Variants in TFEB observed in about 807,000 individuals in gnomAD.
TFEB encodes T-cell transcription factor EB.
A neutral mutation model predicts 48.0 loss-of-function variants in TFEB; 12 were observed. The observed-to-expected ratio is 0.25, with a 90% confidence interval of 0.16 to 0.40. The LOEUF is 0.40. TFEB is among the 10% of genes least tolerant of loss of function. TFEB has a pLI of 1.00. For missense variants in TFEB, 509 were observed against 640.3 expected, an observed-to-expected ratio of 0.79 and a Z score of 2.21; for synonymous variants, 244 against 261.4, an observed-to-expected ratio of 0.93 and a Z score of 0.64.
At chr6:41,693,829 T>A (rs966281472) in intron 1 of TFEB, among the ~76,000 whole-genome samples, 2 of 152,082 alleles carry the variant, frequency 1.3e-5, no homozygotes, top group African/African-American at 4.8e-5. Context: ...CCTCCACCCA[T>A]GCCTTTGCCC....
At chr6:41,725,986 G>A (rs1771190348) in intron 1 of TFEB, among the ~76,000 whole-genome samples, 1 of 152,364 alleles carries the variant, frequency 6.6e-6, no homozygotes, top group East Asian at 1.9e-4. Context: ...GCTCACGCCT[G>A]CAATCCTGGC....
chr6:41,700,650 A>G (rs1052448141), intron 1 of TFEB, among the ~76,000 whole-genome samples: 8 of 152,102 alleles, frequency 5.3e-5, no homozygotes, highest in African/African-American at 1.9e-4. Context: ...GGCTGGGGGC[A>G]GGGGGCAGTC....
intron 1 of TFEB, among the ~76,000 whole-genome samples, chr6:41,717,766 A>G (rs2127259998): frequency 6.6e-6 from 1 of 152,348 alleles, no homozygotes; most frequent in South Asian, 2.1e-4. Context: ...AAGAAGGAAG[A>G]GGAAGAGGTA....
chr6:41,723,404 C>T lies in TFEB; in HGVS notation c.-23+11946G>A. On this transcript the variant is annotated intron_variant, in intron 1 of 8. Coordinates refer to ENST00000373033, the MANE Select transcript of TFEB (RefSeq NM_001271944.2). The surrounding 1 kb of genome is among the most constrained non-coding windows in gnomAD (Gnocchi z 6.0). ...GCTAACACACATGGACACACATTCA[C>T]ACACATGCTCACACACATGCACACA... 7 of 1,086,054 alleles carry T rather than the reference C, an allele frequency of 6.4e-6. No individual in the cohort carries two copies. In the South Asian group the frequency reaches 7.8e-5, roughly 12 times the overall value. 67.3% of individuals were successfully genotyped at this position (1,086,054 alleles called of 1,614,324 possible).
Position 41,691,458 on chromosome 6 carries a change from T to G in TFEB, c.-22-223A>C. ...TCCTGGACCAAAACTGAAGGTTCTG[T>G]CTTCTTCACTCATTGCAGTTGGTAA... On this transcript the variant is annotated intron_variant, in intron 1 of 8. Transcript: ENST00000373033. This position sits in a 1 kb window ranked among gnomAD's most constrained non-coding sequence, Gnocchi z 5.2. 1.4e-6 allele frequency: 1 copy of G among 708,374 alleles called. No homozygotes were observed. Among genetic ancestry groups the G allele is most frequent in the Non-Finnish European group, 2.6e-6 (1 of 380,826 alleles). The allele number at this position is 708,374 out of a possible 1,614,324, so 43.9% of individuals were successfully genotyped here. A position where few individuals can be genotyped will look rare whatever the true frequency, so the allele number is the denominator to read the frequency against.
intron 1 of TFEB, among the ~76,000 whole-genome samples, chr6:41,700,474 A>C (rs1258510465): frequency 1.3e-5 from 2 of 151,980 alleles, no homozygotes; most frequent in Non-Finnish European, 2.9e-5. Flanking sequence ...TCAAAAAAAA[A>C]AAAAAAAAAA....
intron 1 of TFEB, among the ~76,000 whole-genome samples, chr6:41,693,280 A>C (rs116653008): frequency 1.1e-4 from 17 of 152,228 alleles, no homozygotes; most frequent in African/African-American, 4.1e-4. Flanking sequence ...GATAATAGAA[A>C]TAATAATAAC....
At chr6:41,711,826 C>T (rs1023852122) in intron 1 of TFEB, among the ~76,000 whole-genome samples, 12 of 152,204 alleles carry the variant, frequency 7.9e-5, no homozygotes, top group Admixed American at 2.6e-4. Flanking sequence ...CATGGGCCTG[C>T]GGCAGAGGCA....
At chr6:41,700,032 G>C (rs1449671232) in intron 1 of TFEB, among the ~76,000 whole-genome samples, 1 of 152,206 alleles carries the variant, frequency 6.6e-6, no homozygotes, top group Non-Finnish European at 1.5e-5. Flanking sequence ...CACCATGGCT[G>C]AGTGCTATGG....
chr6:41,714,691 C>T lies in TFEB; in HGVS notation c.-23+20659G>A, dbSNP rs931721371. On this transcript the variant is annotated intron_variant, in intron 1 of 8. Coordinates refer to ENST00000373033, the MANE Select transcript of TFEB (RefSeq NM_001271944.2). Reference sequence around the variant, plus strand: ...ACTATTGTCTTCAGGGGACCCCCATCCCGAGGGTGCGGGGAGACTGGGGCA... The same window carrying T: ...ACTATTGTCTTCAGGGGACCCCCATTCCGAGGGTGCGGGGAGACTGGGGCA... Among the ~76,000 whole-genome samples, 4 of 152,210 alleles carry T rather than the reference C, an allele frequency of 2.6e-5. No homozygotes were observed. The East Asian group carries it at 7.7e-4, about 29-fold the overall frequency.
chr6:41,706,508 C>T (rs13214412), intron 1 of TFEB, among the ~76,000 whole-genome samples: 39,635 of 147,708 alleles, frequency 0.27, 5,746 homozygotes, highest in East Asian at 0.39. Flanking sequence ...CACCCTTACA[C>T]CCCCCCACCC....
At chr6:41,686,508 C>CTTTTTT (rs34883692) in intron 7 of TFEB, 39 of 150,754 alleles carry the variant, frequency 2.6e-4, no homozygotes, top group East Asian at 5.9e-4. Context: ...GCCTACCTTT[C>CTTTTTT]TTTTTTTTTT....
Position 41,734,316 on chromosome 6 carries a change from G to C in TFEB, c.-23+1034C>G. On this transcript the variant is annotated intron_variant, in intron 1 of 8. Coordinates refer to ENST00000373033, the MANE Select transcript of TFEB (RefSeq NM_001271944.2). This position sits in a 1 kb window ranked among gnomAD's most constrained non-coding sequence, Gnocchi z 4.0. Reference sequence around the variant, plus strand: ...CCGGGCTCCCTCCCTTCCTCACCCGGGGCGCGGGGCTGGGGCGCGCCAGGC... The same window carrying C: ...CCGGGCTCCCTCCCTTCCTCACCCGCGGCGCGGGGCTGGGGCGCGCCAGGC... 1.0e-6 allele frequency: 1 copy of C among 983,440 alleles called. No homozygotes were observed. Among genetic ancestry groups the C allele is most frequent in the Non-Finnish European group, 1.2e-6 (1 of 828,316 alleles). 60.9% of individuals were successfully genotyped at this position (983,440 alleles called of 1,614,324 possible).
chr6:41,717,252 A>C (rs1392937798), intron 1 of TFEB, among the ~76,000 whole-genome samples: 1 of 152,164 alleles, frequency 6.6e-6, no homozygotes, highest in Non-Finnish European at 1.5e-5. Context: ...GCAGCAGTAC[A>C]CTGAAAAGCA....
At chr6:41,711,094 A>G (rs1340150996) in intron 1 of TFEB, among the ~76,000 whole-genome samples, 1 of 152,240 alleles carries the variant, frequency 6.6e-6, no homozygotes, top group Non-Finnish European at 1.5e-5. Context: ...AAAACCATCT[A>G]TCAAGGATGG....
chr6:41,726,533 T>A (rs1771217124), intron 1 of TFEB, among the ~76,000 whole-genome samples: 1 of 151,992 alleles, frequency 6.6e-6, no homozygotes, highest in Non-Finnish European at 1.5e-5. Flanking sequence ...AACCTCCACC[T>A]CCCAGGTTCA....
rs1331573208 is a variant in TFEB at position 41,684,926 on chromosome 6, G to A, written c.1104C>T (p.Asp368=). The change falls in exon 9 of 9, where the codon GAC becomes GAT. Residue 368 remains aspartate (D), a synonymous_variant. Coordinates refer to ENST00000373033, the MANE Select transcript of TFEB (RefSeq NM_001271944.2). The part of the protein sequence containing the change: ...EALMLGAEVP[D]PEPLPALPPQ... Reference sequence around the variant, plus strand: ...GGGGCAGAGCTGGCAGTGGCTCAGGGTCAGGGACCTCAGCCCCCAGCATCA... The same window carrying A: ...GGGGCAGAGCTGGCAGTGGCTCAGGATCAGGGACCTCAGCCCCCAGCATCA... The A allele has an allele frequency of 1.3e-6, 2 of 1,586,058 alleles. No homozygotes were observed. Among genetic ancestry groups the A allele is most frequent in the East Asian group, 2.3e-5 (1 of 43,824 alleles).
intron 1 of TFEB, among the ~76,000 whole-genome samples, chr6:41,728,367 G>A (rs538306090): frequency 1.3e-5 from 2 of 152,246 alleles, no homozygotes; most frequent in South Asian, 4.1e-4. Context: ...TGGGGGCAGC[G>A]CCAGCTGCCC....
chr6:41,684,808 C>T lies in TFEB; in HGVS notation c.1222G>A (p.Glu408Lys), dbSNP rs148691652. 2.5e-5 allele frequency: 40 copies of T among 1,598,278 alleles called. No individual in the cohort carries two copies. Among genetic ancestry groups the T allele is most frequent in the Non-Finnish European group, 3.2e-5 (37 of 1,171,930 alleles). ...HSLSFGGRED[E>K]GPPGYPEPLA... ...GGTTCGGGGTAGCCCGGGGGACCCT[C>T]GTCCTCCCTGCCCCCAAAGCTCAGG... The change falls in exon 9 of 9, where the codon GAG (glutamate) becomes AAG (lysine). Residue 408 changes from glutamate to lysine, a missense_variant. Glu to Lys is a moderately conservative substitution (Grantham distance 56, BLOSUM62 1). This residue lies in a region of TFEB where 168 missense variants were observed against 161.0 expected (regional missense o/e 1.04). Coordinates refer to ENST00000373033, the MANE Select transcript of TFEB (RefSeq NM_001271944.2).
Sources: gnomAD v4.1 joint callset for allele counts (sites outside exome capture counted in the v4.1 genomes callset) on GRCh38, gnomAD v4.1.1 for gene constraint, gnomAD v4.1.1 regional missense constraint, Gnocchi (gnomAD v3.1) non-coding constraint, MANE v1.5 for transcripts, NCBI Gene and HGNC (gene_info 2026-07-23, HGNC 2026-07-21) for gene names.